Variants in DPP6 observed in about 807,000 individuals in gnomAD.
The protein encoded by DPP6 is dipeptidyl peptidase like 6, also known as A-type potassium channel modulatory protein DPP6.
A neutral mutation model predicts 122.6 loss-of-function variants in DPP6; 69 were observed. The observed-to-expected ratio is 0.56, with a 90% CI of 0.46 to 0.69. The LOEUF (loss-of-function observed/expected upper bound fraction) is 0.69. DPP6 is among the 30% of genes least tolerant of loss of function. The probability of loss-of-function intolerance (pLI) is 0.00; values close to 1 mark genes in which losing one functional copy is unlikely to be tolerated. For missense variants in DPP6, 928 were observed against 1,116.9 expected (o/e 0.83, Z 2.41); for synonymous variants, 418 against 433.1 (o/e 0.97, Z 0.43).
intron 7 of DPP6, among the ~76,000 whole-genome samples, chr7:154,679,853 G>A (rs958953262): frequency 6.6e-6 from 1 of 152,172 alleles, no homozygotes; most frequent in Admixed American, 6.5e-5. Flanking sequence ...AATGGATGGA[G>A]ACAGTTTGGT....
At chr7:154,883,848 C>T (rs1411960719) in intron 21 of DPP6, 2 of 130,076 alleles carry the variant, frequency 1.5e-5, no homozygotes, top group Non-Finnish European at 3.3e-5. Context: ...CCCATACACA[C>T]ATGCTCACAT....
intron 4 of DPP6, among the ~76,000 whole-genome samples, chr7:154,550,418 C>A (rs1829540314): frequency 6.6e-6 from 1 of 152,128 alleles, no homozygotes; most frequent in Non-Finnish European, 1.5e-5. Flanking sequence ...AACCTTTGTG[C>A]CAAACCCTGA....
At chr7:154,620,771 T>G (rs1444008462) in intron 5 of DPP6, among the ~76,000 whole-genome samples, 1 of 152,248 alleles carries the variant, frequency 6.6e-6, no homozygotes, top group Non-Finnish European at 1.5e-5. Context: ...GCAGTTTTGT[T>G]TTTACATACA....
At chr7:153,805,418 A>T in the DPP6 span, among the ~76,000 whole-genome samples, 1 of 152,214 alleles carries the variant, frequency 6.6e-6, no homozygotes, top group African/African-American at 2.4e-5. Flanking sequence ...CAAGGAAGGT[A>T]ATCTTGGGTT....
At chr7:154,603,529 G>T (rs755092479) in intron 5 of DPP6, among the ~76,000 whole-genome samples, 2 of 114,104 alleles carry the variant, frequency 1.8e-5, no homozygotes, top group African/African-American at 5.5e-5. Flanking sequence ...AATTAGCCGA[G>T]CTAATAATCC....
chr7:154,852,892 A>C (rs1802522222), intron 16 of DPP6, among the ~76,000 whole-genome samples: 1 of 13,572 alleles, frequency 7.4e-5, no homozygotes, highest in Admixed American at 5.2e-4. Context: ...CATTTAAATG[A>C]AGGAAACACA....
At chr7:153,975,335 C>T (rs1400879765) in intron 1 of DPP6, among the ~76,000 whole-genome samples, 1 of 148,584 alleles carries the variant, frequency 6.7e-6, no homozygotes, top group African/African-American at 2.5e-5. Flanking sequence ...AACAGGACCC[C>T]CCACCCACCC....
At chr7:153,835,397 G>GA in the DPP6 span, among the ~76,000 whole-genome samples, 2,878 of 142,122 alleles carry the variant, frequency 0.02, 90 homozygotes, top group African/African-American at 0.067. Flanking sequence ...TGACTGTGTG[G>GA]AAAAAAAAAA....
chr7:154,844,141 G>C (rs1239424528), intron 16 of DPP6, among the ~76,000 whole-genome samples: 1 of 152,218 alleles, frequency 6.6e-6, no homozygotes, highest in Non-Finnish European at 1.5e-5. Context: ...TTGTCTTACA[G>C]GCATCAGAGA....
intron 1 of DPP6, among the ~76,000 whole-genome samples, chr7:154,385,230 A>T (rs921461247): frequency 6.6e-6 from 1 of 151,632 alleles, no homozygotes; most frequent in South Asian, 2.1e-4. Context: ...CGGCCTCCCA[A>T]TTTTTTTTCT....
chr7:154,815,731 G>A (rs1211270143), intron 16 of DPP6, among the ~76,000 whole-genome samples: 8 of 152,176 alleles, frequency 5.3e-5, no homozygotes. Flanking sequence ...GAGTGGGAAC[G>A]GGACAGTCTG....
the DPP6 span, among the ~76,000 whole-genome samples, chr7:153,873,911 G>T: frequency 6.6e-6 from 1 of 152,116 alleles, no homozygotes; most frequent in South Asian, 2.1e-4. Flanking sequence ...ATAGACTTGG[G>T]GTCTAAAAGT....
intron 1 of DPP6, chr7:154,095,904 A>C (rs78669906): frequency 2.9e-5 from 4 of 137,920 alleles, no homozygotes; most frequent in African/African-American, 8.1e-5. Flanking sequence ...TGTCACTCAC[A>C]GTTCACGCTA....
At chr7:154,073,911 GGGA>G (rs1480856829) in intron 1 of DPP6, among the ~76,000 whole-genome samples, 1 of 152,168 alleles carries the variant, frequency 6.6e-6, no homozygotes, top group Non-Finnish European at 1.5e-5. Flanking sequence ...GCTTGAACCT[GGGA>G]GGAGGAGGTT....
chr7:154,459,820 AAAAAG>A (rs1278707804), intron 2 of DPP6, among the ~76,000 whole-genome samples: 9 of 148,788 alleles, frequency 6.0e-5, no homozygotes, highest in African/African-American at 1.7e-4. Context: ...AAAAAAAAAA[AAAAAG>A]AAAAGAAAAA....
At chr7:154,599,613 T>G (rs1294519090) in intron 5 of DPP6, among the ~76,000 whole-genome samples, 2 of 152,020 alleles carry the variant, frequency 1.3e-5, no homozygotes, top group South Asian at 2.1e-4. Context: ...GTTGGTGTGC[T>G]GCACCCATTA....
At chr7:154,055,963 T>A (rs576501153) in intron 1 of DPP6, 22 of 152,368 alleles carry the variant, frequency 1.4e-4, no homozygotes, top group African/African-American at 5.3e-4. Context: ...CTTCTGTGCA[T>A]GTGTGTACAC....
At chr7:154,378,155 A>G (rs1406652461) in intron 1 of DPP6, among the ~76,000 whole-genome samples, 1 of 152,182 alleles carries the variant, frequency 6.6e-6, no homozygotes, top group African/African-American at 2.4e-5. Context: ...GGCCACTCAA[A>G]TGTTTTTGAA....
intron 1 of DPP6, among the ~76,000 whole-genome samples, chr7:154,369,744 C>T (rs565879247): frequency 6.2e-4 from 94 of 152,318 alleles, no homozygotes; most frequent in African/African-American, 2.1e-3. Context: ...TGCTATTTCC[C>T]AGCTGGCCTC....
Sources: allele counts gnomAD v4.1 joint callset (sites outside exome capture counted in the v4.1 genomes callset), GRCh38; gene constraint gnomAD v4.1.1; transcripts MANE v1.5; gene names NCBI Gene and HGNC (gene_info 2026-07-23, HGNC 2026-07-21).